ELOA: variants seen among roughly 807,000 people sequenced by gnomAD.
The protein encoded by ELOA is elongin A, also known as elongin-A.
ELOA carries 15 observed loss-of-function variants against 85.2 expected under a neutral mutation model. That is an observed-to-expected ratio of 0.18 (90% CI 0.12 to 0.27). The LOEUF (loss-of-function observed/expected upper bound fraction) is 0.27, where lower values mean the gene tolerates loss of function less well. Ranked by LOEUF, ELOA falls within the 10% of genes least tolerant of loss-of-function variation. The pLI is 1.00. For missense variants in ELOA, 769 were observed against 952.7 expected, an observed-to-expected ratio of 0.81 and a Z score of 2.54; for synonymous variants, 348 against 357.2, an observed-to-expected ratio of 0.97 and a Z score of 0.29.
rs1482653071 is a variant in ELOA at position 23,759,627 on chromosome 1, T to G, written c.*54T>G. 1 of 1,587,888 alleles carries G rather than the reference T, an allele frequency of 6.3e-7. No homozygotes were observed. The highest frequency in any genetic ancestry group is 8.6e-7 in the Non-Finnish European group (1 of 1,156,470). ...TGGGGAGGCAGGAATACAAGGACAG[T>G]GGGGGTTGGGGAATGGAATTCTACA... is the stretch of plus-strand genomic sequence containing the variant. On this transcript the variant is annotated 3_prime_UTR_variant, in exon 11 of 11. Coordinates refer to ENST00000613537, the MANE Select transcript of ELOA (RefSeq NM_003198.3).
At chr1:23,747,531 G>A (rs1359662465) in intron 1 of ELOA, among the ~76,000 whole-genome samples, 2 of 152,170 alleles carry the variant, frequency 1.3e-5, no homozygotes, top group Non-Finnish European at 2.9e-5. Context: ...CCCCTTCCAA[G>A]GAATGGCATT....
At chr1:23,757,164 C>T in intron 10 of ELOA, 39 bp downstream of exon 10, 1 of 1,495,950 alleles carries the variant, frequency 6.7e-7, no homozygotes, top group Non-Finnish European at 8.9e-7. Context: ...ATTATTTCAG[C>T]ACTAGTTTTT....
intron 1 of ELOA, among the ~76,000 whole-genome samples, chr1:23,744,524 GCTCACTGCAACCTCCGTCTCC>G (rs1198233493): frequency 6.6e-6 from 1 of 151,274 alleles, no homozygotes; most frequent in Non-Finnish European, 1.5e-5. Context: ...CGCGATCTCG[GCTCACTGCAACCTCCGTCTCC>G]CGGGTTCAGG....
At position 23,759,601 on chromosome 1, in the gene ELOA, C is replaced by T; in HGVS notation, c.*28C>T. ...TGAGGACTTGCCTTGGAAATGGAAT[C>T]TGGGGAGGCAGGAATACAAGGACAG... On this transcript the variant is annotated 3_prime_UTR_variant, in exon 11 of 11. Transcript: ENST00000613537. The T allele has an allele frequency of 1.2e-6, 2 of 1,612,548 alleles. No individual in the cohort carries two copies. The highest frequency in any genetic ancestry group is 1.7e-6 in the Non-Finnish European group (2 of 1,178,556).
At chr1:23,750,287 T>C (rs2124458855) in intron 3 of ELOA, among the ~76,000 whole-genome samples, 1 of 148,730 alleles carries the variant, frequency 6.7e-6, no homozygotes, top group Non-Finnish European at 1.5e-5. Context: ...GCCATTCTCC[T>C]GCCTCAGCCT....
chr1:23,748,555 CTG>C (rs1460372934), intron 1 of ELOA, among the ~76,000 whole-genome samples: 2 of 152,226 alleles, frequency 1.3e-5, no homozygotes, highest in Non-Finnish European at 2.9e-5. Context: ...CTGTTAAACA[CTG>C]TGGCCCTTCT....
intron 1 of ELOA, 67 bp from the exon 2 acceptor site, chr1:23,748,954 A>T: frequency 7.6e-7 from 1 of 1,310,168 alleles, no homozygotes; most frequent in South Asian, 1.2e-5. Context: ...AGCACTAAGC[A>T]CTTAATAATC....
chr1:23,758,349 C>G (rs1638241506), intron 10 of ELOA, among the ~76,000 whole-genome samples: 1 of 129,446 alleles, frequency 7.7e-6, no homozygotes. Flanking sequence ...TCTCGGCTCA[C>G]TGCAACCTCC....
intron 5 of ELOA, among the ~76,000 whole-genome samples, chr1:23,753,052 A>G (rs998995926): frequency 6.6e-6 from 1 of 152,228 alleles, no homozygotes; most frequent in African/African-American, 2.4e-5. Context: ...CGGTAGGCTG[A>G]GGTGGGAGTA....
At chr1:23,752,547 T>TG in intron 5 of ELOA, 29 bp downstream of exon 5, 1 of 1,595,716 alleles carries the variant, frequency 6.3e-7, no homozygotes, top group Non-Finnish European at 8.6e-7. Flanking sequence ...TTTTTCTTAA[T>TG]GGGAAAAAGA....
chr1:23,751,076 G>A lies in ELOA; in HGVS notation c.471G>A (p.Arg157=), dbSNP rs771121488. The change falls in exon 4 of 11, where the codon AGG becomes AGA. Residue 157 remains arginine (R), a synonymous_variant. Transcript: ENST00000613537. ...ATGAGAGGAGAGATGAGAGAAAGAG[G>A]TGTCACAGAATGTCACCAACTTACT... ...HGHERRDERK[R]CHRMSPTYSS... 2 of 1,613,942 alleles carry A rather than the reference G, an allele frequency of 1.2e-6. No individual in the cohort carries two copies. Among genetic ancestry groups the A allele is most frequent in the African/African-American group, 2.7e-5 (2 of 74,902 alleles).
At chr1:23,753,157 CAAA>C (rs756708055) in intron 5 of ELOA, among the ~76,000 whole-genome samples, 37 of 152,016 alleles carry the variant, frequency 2.4e-4, no homozygotes, top group Non-Finnish European at 4.0e-4. Flanking sequence ...CAAAAACAAA[CAAA>C]AAAACTATCA....
In ELOA at chr1:23,752,513, G is replaced by A; in HGVS notation, c.1532G>A (p.Arg511Gln). The A allele has an allele frequency of 6.2e-7, 1 of 1,613,462 alleles. No individual in the cohort carries two copies. The highest frequency in any genetic ancestry group is 8.5e-7 in the Non-Finnish European group (1 of 1,179,650). ...LELISSFQPK[R>Q]KAFSSPQEEE... The stretch of plus-strand genomic sequence containing the variant: ...CTGATATCCTCCTTCCAGCCAAAGC[G>A]AAAAGGTAATTTTCTATATCTTCTT... The change falls in exon 5 of 11, where the codon CGA (arginine) becomes CAA (glutamine). Residue 511 changes from arginine (R) to glutamine (Q), a missense_variant. This residue lies in a region of ELOA where 193 missense variants were observed against 278.9 expected (regional missense o/e 0.69). Coordinates refer to ENST00000613537, the MANE Select transcript of ELOA (RefSeq NM_003198.3).
intron 1 of ELOA, 60 bp from the exon 2 acceptor site, chr1:23,748,961 A>G: frequency 7.1e-7 from 1 of 1,398,640 alleles, no homozygotes. Context: ...AGCACTTAAT[A>G]ATCAGATATT....
chr1:23,755,805 G>A (rs1429412723), intron 7 of ELOA, 38 bp from the exon 8 acceptor site: 2 of 1,477,240 alleles, frequency 1.4e-6, no homozygotes, highest in South Asian at 1.3e-5. Flanking sequence ...ATATGGAAAA[G>A]TGCTTGTACA....
At chr1:23,745,560 C>G (rs1376457136) in intron 1 of ELOA, among the ~76,000 whole-genome samples, 1 of 150,430 alleles carries the variant, frequency 6.6e-6, no homozygotes, top group Non-Finnish European at 1.5e-5. Context: ...TAGAAAATCA[C>G]CCTGAACTTC....
At chr1:23,753,528 A>T (rs1644781731) in intron 5 of ELOA, among the ~76,000 whole-genome samples, 1 of 152,148 alleles carries the variant, frequency 6.6e-6, no homozygotes, top group Admixed American at 6.5e-5. Context: ...GAAGCCACAT[A>T]AGGGTCTATC....
In ELOA at chr1:23,758,255, ATTTATTTTT is replaced by A. The variant is rs1165981369; in HGVS notation, c.2257+1134_2257+1142del. On this transcript the variant is annotated intron_variant, in intron 10 of 10. Coordinates refer to ENST00000613537, the MANE Select transcript of ELOA (RefSeq NM_003198.3). ...TCTAATTGGGTCTTCCAATTTATTT[ATTTATTTTT>A]TTTTTTTTTTTTTTTTTTTTTTTTT... is the stretch of plus-strand genomic sequence containing the variant. Among the ~76,000 whole-genome samples the A allele has an allele frequency of 1.7e-3, 63 of 36,112 alleles. 1 individual carries two copies. The highest frequency in any genetic ancestry group is 8.8e-3 in the African/African-American group (59 of 6,710). The allele number at this position is 36,112 out of a possible 152,430, so 23.7% of individuals were successfully genotyped here.
rs369336064 is a variant in ELOA, at chr1:23,755,367, C to T, written c.1792-476C>T. ...GCAACTAGCATAGTGCCTCACACTT[C>T]GCATTTTTAAAATTTAGGGAGTTAT... is the stretch of plus-strand genomic sequence containing the variant. On this transcript the variant is annotated intron_variant, in intron 7 of 10. Coordinates refer to ENST00000613537, the MANE Select transcript of ELOA (RefSeq NM_003198.3). Among the ~76,000 whole-genome samples the T allele has an allele frequency of 1.6e-3, 246 of 152,204 alleles. 1 individual carries two copies. The highest frequency in any genetic ancestry group is 5.6e-3 in the African/African-American group (233 of 41,508).
Sources: gnomAD v4.1 joint callset for allele counts (sites outside exome capture counted in the v4.1 genomes callset) on GRCh38, gnomAD v4.1.1 for gene constraint, gnomAD v4.1.1 regional missense constraint, MANE v1.5 for transcripts, NCBI Gene and HGNC (gene_info 2026-07-23, HGNC 2026-07-21) for gene names.